The following MAN1A2 variants were observed in gnomAD, a reference collection of about 807,000 sequenced individuals.
MAN1A2 encodes mannosyl-oligosaccharide 1,2-alpha-mannosidase IB.
In MAN1A2, 26 loss-of-function variants were observed where a neutral mutation model predicts 75.7. The observed-to-expected ratio is 0.34, with a 90% CI of 0.25 to 0.48. MAN1A2 has a LOEUF of 0.48. MAN1A2 is among the 20% of genes least tolerant of loss of function. MAN1A2 has a pLI of 0.99. For synonymous variants in MAN1A2, 247 were observed against 264.6 expected (o/e 0.93, Z 0.65); for missense variants, 562 against 775.5 (o/e 0.72, Z 3.27).
At chr1:117,416,293 A>T (rs139248537) in intron 4 of MAN1A2, among the ~76,000 whole-genome samples, 9 of 151,726 alleles carry the variant, frequency 5.9e-5, no homozygotes, top group Admixed American at 5.9e-4. Flanking sequence ...CTTAACTACA[A>T]TTTTTTTTAT....
chr1:117,512,356 T>C (rs1651563136), intron 12 of MAN1A2, among the ~76,000 whole-genome samples: 1 of 152,082 alleles, frequency 6.6e-6, no homozygotes, highest in African/African-American at 2.4e-5. Flanking sequence ...AACCTGAGTG[T>C]ACATCAGAAT....
intron 4 of MAN1A2, among the ~76,000 whole-genome samples, chr1:117,420,105 G>A (rs942707200): frequency 1.3e-5 from 2 of 151,902 alleles, no homozygotes; most frequent in Admixed American, 1.3e-4. Flanking sequence ...TTTTTTTGGT[G>A]CCTCCTTTAA....
intron 12 of MAN1A2, among the ~76,000 whole-genome samples, chr1:117,514,361 C>CA (rs11335667): frequency 3.7e-4 from 51 of 139,294 alleles, no homozygotes; most frequent in African/African-American, 5.1e-4. Flanking sequence ...GACTCCATCT[C>CA]AAAAAAAAAA....
intron 6 of MAN1A2, among the ~76,000 whole-genome samples, chr1:117,451,619 G>A (rs894996005): frequency 1.3e-5 from 2 of 152,156 alleles, no homozygotes; most frequent in South Asian, 2.1e-4. Context: ...TGCTATTCTT[G>A]TGATAGTGAA....
intron 1 of MAN1A2, among the ~76,000 whole-genome samples, chr1:117,390,882 CA>C (rs1653694198): frequency 6.6e-6 from 1 of 152,122 alleles, no homozygotes; most frequent in South Asian, 2.1e-4. Context: ...AGGGCACTTT[CA>C]AATTTCACTT....
rs369107696 is a variant in MAN1A2, at chr1:117,405,623, A to G, written c.633A>G (p.Lys211=). 129 of 1,597,516 alleles carry G rather than the reference A, an allele frequency of 8.1e-5. No homozygotes were observed. Among genetic ancestry groups the G allele is most frequent in the Non-Finnish European group, 1.1e-4 (124 of 1,165,046 alleles). The part of the protein sequence containing the change: ...GHNELRPIAR[K]GHSPNIFGSS... ...ATGAACTCAGACCTATTGCAAGGAA[A>G]GGACACTCCCCTAACATATTTGGTA... The change falls in exon 3 of 13, where the codon AAA becomes AAG. Residue 211 remains lysine (K), a synonymous_variant. Transcript: ENST00000356554.
chr1:117,452,793 T>C (rs1171210681), intron 6 of MAN1A2, among the ~76,000 whole-genome samples: 1 of 152,236 alleles, frequency 6.6e-6, no homozygotes, highest in South Asian at 2.1e-4. Context: ...AAGGTAATTG[T>C]TGAAGGTGGC....
At chr1:117,403,095 A>G (rs369293560) in intron 2 of MAN1A2, among the ~76,000 whole-genome samples, 6 of 152,306 alleles carry the variant, frequency 3.9e-5, no homozygotes, top group East Asian at 3.9e-4. Flanking sequence ...ACTCCTAAAA[A>G]TTCTGGGTGG....
intron 1 of MAN1A2, among the ~76,000 whole-genome samples, chr1:117,370,319 T>C (rs1300260323): frequency 6.6e-6 from 1 of 152,316 alleles, no homozygotes; most frequent in South Asian, 2.1e-4. Flanking sequence ...TAGCAAGTGA[T>C]ACATGTGAGT....
rs145268909 is a variant in MAN1A2 at position 117,475,297 on chromosome 1, C to T, written c.1168+8870C>T. On this transcript the variant is annotated intron_variant, in intron 8 of 12. Transcript: ENST00000356554. ...TTACATTGCTATCAGTAGTGTTTCT[C>T]CATATACCTGCCAACACTTGATATG... Among the ~76,000 whole-genome samples the T allele has an allele frequency of 8.3e-3, 1,263 of 151,900 alleles. 11 individuals carry two copies. Among genetic ancestry groups the T allele is most frequent in the African/African-American group, 0.029 (1,203 of 41,482 alleles).
At chr1:117,513,931 G>GCC (rs1651624946) in intron 12 of MAN1A2, among the ~76,000 whole-genome samples, 2 of 152,156 alleles carry the variant, frequency 1.3e-5, no homozygotes, top group Non-Finnish European at 2.9e-5. Context: ...TTGTAGTATT[G>GCC]TAAAGAAAGC....
intron 1 of MAN1A2, among the ~76,000 whole-genome samples, chr1:117,376,062 C>T (rs1653128107): frequency 6.6e-6 from 1 of 152,078 alleles, no homozygotes; most frequent in South Asian, 2.1e-4. Context: ...CAGGCGCCCG[C>T]CACCACGCCC....
At chr1:117,486,755 C>T (rs1650716273) in intron 8 of MAN1A2, among the ~76,000 whole-genome samples, 2 of 151,762 alleles carry the variant, frequency 1.3e-5, no homozygotes, top group South Asian at 2.1e-4. Context: ...AATTAATGAG[C>T]GTTTCAGAGG....
chr1:117,400,129 T>C (rs1026494088), intron 1 of MAN1A2, among the ~76,000 whole-genome samples: 4 of 152,062 alleles, frequency 2.6e-5, no homozygotes, highest in African/African-American at 9.7e-5. Context: ...TGTCAGTTTC[T>C]CATGGTTTCA....
chr1:117,500,138 G>A (rs944145095), intron 11 of MAN1A2, among the ~76,000 whole-genome samples: 4 of 151,796 alleles, frequency 2.6e-5, no homozygotes, highest in Non-Finnish European at 5.9e-5. Context: ...TATGTAAAGC[G>A]AACGTTTCAC....
chr1:117,375,785 T>C (rs887009329), intron 1 of MAN1A2, among the ~76,000 whole-genome samples: 4 of 152,234 alleles, frequency 2.6e-5, no homozygotes, highest in Admixed American at 2.0e-4. Flanking sequence ...TAGAGATAAC[T>C]TTCCACCTAT....
intron 1 of MAN1A2, among the ~76,000 whole-genome samples, chr1:117,386,156 T>A (rs772882244): frequency 6.6e-6 from 1 of 152,224 alleles, no homozygotes; most frequent in Non-Finnish European, 1.5e-5. Flanking sequence ...TTTTGGCAGC[T>A]TAAGCAACAT....
intron 1 of MAN1A2, among the ~76,000 whole-genome samples, chr1:117,377,694 C>A (rs958252774): frequency 9.3e-5 from 14 of 151,032 alleles, no homozygotes; most frequent in African/African-American, 3.4e-4. Context: ...TTTTTGTGTT[C>A]GTTTTGTTTC....
In MAN1A2 at chr1:117,431,194, A is replaced by AG. The variant is rs1197109419; in HGVS notation, c.855+10548dup. On this transcript the variant is annotated intron_variant, in intron 5 of 12. Coordinates refer to ENST00000356554, the MANE Select transcript of MAN1A2 (RefSeq NM_006699.5). The stretch of plus-strand genomic sequence containing the variant: ...CGCATGAGAGGGAGACCGTGGGGAG[A>AG]GGGAGGGGGAGGGGGAGGGGGAGGG... 1.3e-3 allele frequency among the ~76,000 whole-genome samples: 19 copies of AG among 14,844 alleles called. 1 individual carries two copies. Among genetic ancestry groups the AG allele is most frequent in the African/African-American group, 5.0e-3 (19 of 3,810 alleles). The allele number at this position is 14,844 out of a possible 152,430, so 9.7% of individuals were successfully genotyped here.
Sources: allele counts gnomAD v4.1 joint callset (sites outside exome capture counted in the v4.1 genomes callset), GRCh38; gene constraint gnomAD v4.1.1; transcripts MANE v1.5; gene names NCBI Gene and HGNC (gene_info 2026-07-23, HGNC 2026-07-21).